The following SNED1 variants were observed in gnomAD, a reference collection of about 807,000 sequenced individuals.
The protein encoded by SNED1 is sushi, nidogen and EGF like domains 1, also known as sushi, nidogen and EGF-like domain-containing protein 1.
In SNED1, 81 loss-of-function variants were observed where a neutral mutation model predicts 166.7. That is an observed-to-expected ratio of 0.49 (90% CI 0.41 to 0.58). The LOEUF (loss-of-function observed/expected upper bound fraction) is 0.58, where lower values mean the gene tolerates loss of function less well. SNED1 is among the 20% of genes least tolerant of loss of function. SNED1 has a pLI of 0.00. For synonymous variants in SNED1, 762 were observed against 822.0 expected (o/e 0.93, Z 1.25); for missense variants, 1,604 against 2,000.2 (o/e 0.80, Z 3.78).
chr2:241,076,817 C>T (rs541121789), intron 27 of SNED1, among the ~76,000 whole-genome samples: 2 of 152,290 alleles, frequency 1.3e-5, no homozygotes, highest in South Asian at 2.1e-4. Flanking sequence ...CAGGGCCGGG[C>T]GCAGTGGCTC....
chr2:241,070,301 C>T, intron 24 of SNED1, 100 bp downstream of exon 24: 1 of 1,270,366 alleles, frequency 7.9e-7, no homozygotes, highest in Non-Finnish European at 1.1e-6. Flanking sequence ...GGATGCCAGG[C>T]AGACAGCCTA....
chr2:241,077,244 G>C (rs1032745853), intron 27 of SNED1, among the ~76,000 whole-genome samples: 2 of 152,102 alleles, frequency 1.3e-5, no homozygotes, highest in Admixed American at 6.6e-5. Context: ...CGGAGCCCTC[G>C]TACCATATAC....
In SNED1 at chr2:241,068,356, G is replaced by C. The variant is rs961019352; in HGVS notation, c.3194+409G>C. On this transcript the variant is annotated intron_variant, in intron 22 of 31. Transcript: ENST00000310397. This position sits in a 1 kb window ranked among gnomAD's most constrained non-coding sequence, Gnocchi z 5.3. ...CAGAGAGCAGCGGCCAGCGAGGGTA[G>C]ATGGTAGCAGCCCCGAGCTCTCCCA... Among the ~76,000 whole-genome samples, 13 of 146,734 alleles carry C rather than the reference G, an allele frequency of 8.9e-5. No homozygotes were observed. The highest frequency in any genetic ancestry group is 3.6e-4 in the African/African-American group (13 of 36,618).
At chr2:241,040,262 C>A in intron 7 of SNED1, 38 bp from the exon 8 acceptor site, 1 of 1,572,894 alleles carries the variant, frequency 6.4e-7, no homozygotes, top group Non-Finnish European at 8.6e-7. Flanking sequence ...TGGTTGTGGC[C>A]TGGCTCAAGC....
chr2:241,064,826 C>T lies in SNED1; in HGVS notation c.2600-18C>T, dbSNP rs538727402. On this transcript the variant is annotated intron_variant, in intron 19 of 31. Coordinates refer to ENST00000310397, the MANE Select transcript of SNED1 (RefSeq NM_001080437.3). This position sits in a 1 kb window ranked among gnomAD's most constrained non-coding sequence, Gnocchi z 7.0. ...CTGGCCACGCCCCAACATACACTGC[C>T]ACTTTTTCTCCCCTCAGTGAGTGAC... 14 of 1,557,102 alleles carry T rather than the reference C, an allele frequency of 9.0e-6. No individual in the cohort carries two copies. The East Asian group carries it at 2.9e-4, about 32-fold the overall frequency.
rs139139954 is a variant in SNED1 at position 241,037,292 on chromosome 2, C to T, written c.984C>T (p.His328=). ...GTCAGAATGGTGGGACCTGTACTCA[C>T]GGCATCAACAGTTTCCGCTGCCAGT... The part of the protein sequence containing the change: ...QPCQNGGTCT[H]GINSFRCQCP... Residue 328 remains histidine, a synonymous_variant, in exon 6 of 32, where the codon CAC becomes CAT. Coordinates refer to ENST00000310397, the MANE Select transcript of SNED1 (RefSeq NM_001080437.3). 1,455 of 1,611,470 alleles carry T rather than the reference C, an allele frequency of 9.0e-4. 13 individuals carry two copies. In the African/African-American group the frequency reaches 0.016, roughly 18 times the overall value.
chr2:241,046,960 G>T (rs10200651), intron 8 of SNED1, among the ~76,000 whole-genome samples: 38,098 of 151,732 alleles, frequency 0.25, 6,300 homozygotes, highest in East Asian at 0.52. Flanking sequence ...CTGGCCAACA[G>T]AGTGAAACCC....
In SNED1 at chr2:241,067,904, C is replaced by G; in HGVS notation, c.3151C>G (p.Gln1051Glu). ...CCGCCACCCTGAGGCCCTCAGGGAC[C>G]AGGCCACCGATGTGGACAGGAGTGT... Reference protein sequence around the residue: ...SIRHPEALRDQATDVDRSVDR... With the variant: ...SIRHPEALRDEATDVDRSVDR... The change falls in exon 22 of 32, where the codon CAG (glutamine) becomes GAG (glutamate). Residue 1051 changes from glutamine (Q) to glutamate (E), a missense_variant. This residue lies in a region of SNED1 where 1,237 missense variants were observed against 1,620.8 expected (regional missense o/e 0.76). Coordinates refer to ENST00000310397, the MANE Select transcript of SNED1 (RefSeq NM_001080437.3). 6.2e-7 allele frequency: 1 copy of G among 1,613,440 alleles called. No individual in the cohort carries two copies. The highest frequency in any genetic ancestry group is 1.3e-5 in the African/African-American group (1 of 75,018).
intron 1 of SNED1, among the ~76,000 whole-genome samples, chr2:241,024,048 G>A (rs1276840609): frequency 6.7e-6 from 1 of 150,220 alleles, no homozygotes. Context: ...ACCACACCCA[G>A]CTAATTTTTG....
intron 16 of SNED1, among the ~76,000 whole-genome samples, chr2:241,061,749 G>A (rs1036728962): frequency 1.3e-5 from 2 of 151,794 alleles, no homozygotes; most frequent in Non-Finnish European, 2.9e-5. Context: ...GTCGGGCATG[G>A]TGGTGGGCGC....
intron 1 of SNED1, among the ~76,000 whole-genome samples, chr2:241,002,356 G>A (rs10188910): frequency 0.73 from 111,040 of 152,096 alleles, 41,624 homozygotes; most frequent in East Asian, 0.92. Context: ...TGAGCTCATG[G>A]AACACCCCAG....
At chr2:241,021,140 G>A (rs1203062746) in intron 1 of SNED1, among the ~76,000 whole-genome samples, 2 of 152,188 alleles carry the variant, frequency 1.3e-5, no homozygotes, top group African/African-American at 2.4e-5. Flanking sequence ...GACCACAAGA[G>A]TAGAGAGTGT....
intron 1 of SNED1, among the ~76,000 whole-genome samples, chr2:241,009,330 A>G (rs76099572): frequency 6.6e-6 from 1 of 152,266 alleles, no homozygotes; most frequent in Non-Finnish European, 1.5e-5. Context: ...ACACCCAGAC[A>G]GTGTGGGGCC....
At chr2:241,060,149 G>A (rs1486123265) in intron 16 of SNED1, among the ~76,000 whole-genome samples, 2 of 151,976 alleles carry the variant, frequency 1.3e-5, no homozygotes, top group Non-Finnish European at 2.9e-5. Context: ...ATGCGTAAAA[G>A]GAACTATAAA....
rs780427647 is a variant in SNED1, at chr2:241,052,364, C to T, written c.1979C>T (p.Pro660Leu). Residue 660 changes from proline to leucine, a missense_variant, in exon 15 of 32, where the codon CCC (proline) becomes CTC (leucine). This residue lies in a region of SNED1 where 1,237 missense variants were observed against 1,620.8 expected (regional missense o/e 0.76). Coordinates refer to ENST00000310397, the MANE Select transcript of SNED1 (RefSeq NM_001080437.3). ...SGRHCEIAPS[P>L]CFRSPCVNGG... ...TCCTGCATTCTGGCAGCCCCCTCCC[C>T]CTGCTTCCGGAGCCCGTGTGTGAAT... is the stretch of plus-strand genomic sequence containing the variant. The T allele has an allele frequency of 5.7e-6, 9 of 1,575,058 alleles. No homozygotes were observed. The Admixed American group carries it at 1.6e-4, about 28-fold the overall frequency.
At position 241,073,136 on chromosome 2, in the gene SNED1, C is replaced by T. The variant is rs188423328; in HGVS notation, c.3818-130C>T. 1.1e-4 allele frequency: 76 copies of T among 664,720 alleles called. No homozygotes were observed. Among genetic ancestry groups the T allele is most frequent in the Non-Finnish European group, 1.7e-4 (65 of 388,678 alleles). 41.2% of individuals were successfully genotyped at this position (664,720 alleles called of 1,614,324 possible). The stretch of plus-strand genomic sequence containing the variant: ...CTGGGGCCGACAGGTGCTGGGGCCA[C>T]GCAGGGAGCCTGGTCCCCACCAGGG... On this transcript the variant is annotated intron_variant, in intron 26 of 31. Coordinates refer to ENST00000310397, the MANE Select transcript of SNED1 (RefSeq NM_001080437.3). This position sits in a 1 kb window ranked among gnomAD's most constrained non-coding sequence, Gnocchi z 6.6.
chr2:241,035,927 G>T, intron 4 of SNED1, among the ~76,000 whole-genome samples: 1 of 87,200 alleles, frequency 1.1e-5, no homozygotes, highest in East Asian at 3.8e-4. Flanking sequence ...ACGGGGTGGA[G>T]GGGTGGGGGG....
chr2:241,040,248 A>G, intron 7 of SNED1, 52 bp from the exon 8 acceptor site: 1 of 1,568,700 alleles, frequency 6.4e-7, no homozygotes, highest in African/African-American at 1.4e-5. Flanking sequence ...TGCTGGGCAC[A>G]GGGTGGTTGT....
chr2:241,025,837 A>G (rs907111857), intron 1 of SNED1, among the ~76,000 whole-genome samples: 1 of 151,838 alleles, frequency 6.6e-6, no homozygotes, highest in African/African-American at 2.4e-5. Flanking sequence ...GTCAGCTGTC[A>G]GTCTACTTGC....
Sources: gnomAD v4.1 joint callset for allele counts (sites outside exome capture counted in the v4.1 genomes callset) on GRCh38, gnomAD v4.1.1 for gene constraint, gnomAD v4.1.1 regional missense constraint, Gnocchi (gnomAD v3.1) non-coding constraint, MANE v1.5 for transcripts, NCBI Gene and HGNC (gene_info 2026-07-23, HGNC 2026-07-21) for gene names.